RAP2A: variants seen among roughly 807,000 people sequenced by gnomAD.
RAP2A encodes the protein RAP2A, member of RAS oncogene family, also known as ras-related protein Rap-2a.
In RAP2A, 5 loss-of-function variants were observed where a neutral mutation model predicts 15.1. The observed-to-expected ratio is 0.33, with a 90% CI of 0.17 to 0.70. The LOEUF is 0.70. RAP2A is among the 30% of genes least tolerant of loss of function. The pLI is 0.68. For synonymous variants in RAP2A, 110 were observed against 99.7 expected (o/e 1.10, Z -0.62); for missense variants, 111 against 240.3 (o/e 0.46, Z 3.56).
chr13:97,448,792 A>G (rs2066690173), intron 1 of RAP2A, among the ~76,000 whole-genome samples: 1 of 152,184 alleles, frequency 6.6e-6, no homozygotes, highest in Non-Finnish European at 1.5e-5. Flanking sequence ...GGTTTTGATC[A>G]ATAGGAGTTT....
intron 1 of RAP2A, among the ~76,000 whole-genome samples, chr13:97,435,635 A>G (rs2066630953): frequency 6.6e-6 from 1 of 152,070 alleles, no homozygotes; most frequent in Non-Finnish European, 1.5e-5. Context: ...TTTTGGAAAT[A>G]TGGCTGATAA....
At position 97,434,249 on chromosome 13, in the gene RAP2A, G is replaced by T; in HGVS notation, c.-222G>T. ...GCCCTCAGTCCCACCCGGTGCCTACGGGGCCGCATCGCCGCCCGGCTCGGC... is the reference window on the plus strand; with the variant it reads ...GCCCTCAGTCCCACCCGGTGCCTACTGGGCCGCATCGCCGCCCGGCTCGGC... On this transcript the variant is annotated 5_prime_UTR_variant, in exon 1 of 2. Transcript: ENST00000245304. 1 of 153,010 alleles carries T rather than the reference G, an allele frequency of 6.5e-6. No individual in the cohort carries two copies. The highest frequency in any genetic ancestry group is 1.8e-4 in the South Asian group (1 of 5,494). The allele number at this position is 153,010 out of a possible 1,614,324, so 9.5% of individuals were successfully genotyped here.
intron 1 of RAP2A, among the ~76,000 whole-genome samples, chr13:97,463,970 G>T (rs2066759155): frequency 6.6e-6 from 1 of 152,082 alleles, no homozygotes; most frequent in African/African-American, 2.4e-5. Flanking sequence ...GATTTTAAAG[G>T]ATATATAATT....
intron 1 of RAP2A, among the ~76,000 whole-genome samples, chr13:97,456,999 T>C (rs1354819618): frequency 6.6e-6 from 1 of 152,264 alleles, no homozygotes; most frequent in East Asian, 1.9e-4. Context: ...AAAACAATTC[T>C]TTCTTCAAAA....
intron 1 of RAP2A, among the ~76,000 whole-genome samples, chr13:97,446,902 C>T (rs1463525075): frequency 2.0e-5 from 3 of 152,174 alleles, no homozygotes; most frequent in East Asian, 1.9e-4. Flanking sequence ...AATTGTTGAC[C>T]CACAGCATCA....
chr13:97,448,047 G>A (rs1352477087), intron 1 of RAP2A, among the ~76,000 whole-genome samples: 2 of 151,230 alleles, frequency 1.3e-5, no homozygotes, highest in Non-Finnish European at 2.9e-5. Context: ...ATGGTTCACA[G>A]CTAGTGACTT....
chr13:97,448,245 A>G (rs928273533), intron 1 of RAP2A, among the ~76,000 whole-genome samples: 2 of 152,210 alleles, frequency 1.3e-5, no homozygotes, highest in Non-Finnish European at 2.9e-5. Context: ...GAAGCCAGAG[A>G]TAGGAGATAA....
chr13:97,438,701 C>T (rs2066644353), intron 1 of RAP2A, among the ~76,000 whole-genome samples: 1 of 152,172 alleles, frequency 6.6e-6, no homozygotes, highest in Non-Finnish European at 1.5e-5. Flanking sequence ...TGCTCAATCA[C>T]ACATACCCTG....
chr13:97,436,048 C>G (rs1387875838), intron 1 of RAP2A: 2 of 152,166 alleles, frequency 1.3e-5, no homozygotes, highest in African/African-American at 4.8e-5. Flanking sequence ...AGAAGGCTCT[C>G]TCTCTATTGC....
intron 1 of RAP2A, among the ~76,000 whole-genome samples, chr13:97,456,939 T>G (rs867076285): frequency 2.0e-5 from 3 of 152,280 alleles, no homozygotes; most frequent in Middle Eastern, 6.8e-3. Flanking sequence ...ACAAGCAGTA[T>G]TGATGTTTCA....
chr13:97,448,459 G>A (rs1298607434), intron 1 of RAP2A, among the ~76,000 whole-genome samples: 1 of 151,892 alleles, frequency 6.6e-6, no homozygotes, highest in Non-Finnish European at 1.5e-5. Flanking sequence ...CAAGTGTGGT[G>A]TGTAACACCA....
chr13:97,444,510 G>C (rs1327666742), intron 1 of RAP2A, among the ~76,000 whole-genome samples: 1 of 152,068 alleles, frequency 6.6e-6, no homozygotes, highest in Non-Finnish European at 1.5e-5. Flanking sequence ...GAAAAGTTTT[G>C]TCTTTGTATA....
At chr13:97,453,524 G>T (rs561997971) in intron 1 of RAP2A, among the ~76,000 whole-genome samples, 2 of 151,242 alleles carry the variant, frequency 1.3e-5, no homozygotes, top group East Asian at 1.9e-4. Flanking sequence ...AAATTCCCTG[G>T]AGATTCATCC....
rs779218179 is a variant in RAP2A at position 97,434,800 on chromosome 13, C to CGG, written c.314+20_314+21dup. 1 of 1,612,462 alleles carries CGG rather than the reference C, an allele frequency of 6.2e-7. No individual in the cohort carries two copies. Among genetic ancestry groups the CGG allele is most frequent in the Non-Finnish European group, 8.5e-7 (1 of 1,179,186 alleles). On this transcript the variant is annotated intron_variant, in intron 1 of 1. Coordinates refer to ENST00000245304, the MANE Select transcript of RAP2A (RefSeq NM_021033.7). ...GCGTGAAGCGGTGAGCGAGGGCACACGGGGGCTTGGCGGCTGCACCCCGGA... is the reference window on the plus strand; with the variant it reads ...GCGTGAAGCGGTGAGCGAGGGCACACGGGGGGGCTTGGCGGCTGCACCCCGGA...
chr13:97,446,162 C>T (rs866736128), intron 1 of RAP2A, among the ~76,000 whole-genome samples: 1 of 152,136 alleles, frequency 6.6e-6, no homozygotes, highest in African/African-American at 2.4e-5. Flanking sequence ...CAGGTCTATG[C>T]TTGTTGTTCT....
intron 1 of RAP2A, among the ~76,000 whole-genome samples, 170 bp from the exon 2 acceptor site, chr13:97,464,035 G>C (rs2066759332): frequency 6.6e-6 from 1 of 152,176 alleles, no homozygotes; most frequent in South Asian, 2.1e-4. Flanking sequence ...TGTGAGAGCA[G>C]CTTCAAATGC....
rs79581193 is a variant in RAP2A, at chr13:97,445,898, C to T, written c.314+11114C>T. Among the ~76,000 whole-genome samples, 10 of 152,280 alleles carry T rather than the reference C, an allele frequency of 6.6e-5. No individual in the cohort carries two copies. The East Asian group carries it at 1.9e-3, about 29-fold the overall frequency. On this transcript the variant is annotated intron_variant, in intron 1 of 1. Transcript: ENST00000245304. ...TCTTGATGACAGAAAATGTTTATTC[C>T]TAAGGCCACCCTGAGCACATCATCT... is the stretch of plus-strand genomic sequence containing the variant.
intron 1 of RAP2A, among the ~76,000 whole-genome samples, chr13:97,459,786 CT>C (rs1166269226): frequency 6.6e-6 from 1 of 152,218 alleles, no homozygotes; most frequent in African/African-American, 2.4e-5. Flanking sequence ...GCACTTAACA[CT>C]TTTATTGTAA....
chr13:97,462,032 TTATATATATTTATATATATATTTA>T (rs533390943), intron 1 of RAP2A, among the ~76,000 whole-genome samples: 49 of 141,540 alleles, frequency 3.5e-4, no homozygotes, highest in African/African-American at 1.2e-3. Flanking sequence ...ATTTATATAT[TTATATATATTTATATATATATTTA>T]TATATATATT....
Sources: allele counts gnomAD v4.1 joint callset (sites outside exome capture counted in the v4.1 genomes callset), GRCh38; gene constraint gnomAD v4.1.1; transcripts MANE v1.5; gene names NCBI Gene and HGNC (gene_info 2026-07-23, HGNC 2026-07-21).